TRPS1: variants seen among roughly 807,000 people sequenced by gnomAD.
The protein encoded by TRPS1 is transcriptional repressor GATA binding 1, also known as zinc finger transcription factor Trps1.
Under a neutral mutation model 101.2 loss-of-function variants are expected in TRPS1, and 6 were observed. That is an observed-to-expected ratio of 0.06 (90% confidence interval 0.03 to 0.12). The LOEUF (loss-of-function observed/expected upper bound fraction) is 0.12. Ranked by LOEUF, TRPS1 falls within the 10% of genes least tolerant of loss-of-function variation. The pLI is 1.00. For synonymous variants in TRPS1, 578 were observed against 589.8 expected (o/e 0.98, Z 0.29); for missense variants, 1,363 against 1,567.0 (o/e 0.87, Z 2.20).
At chr8:115,464,383 T>C (rs186432377) in intron 5 of TRPS1, among the ~76,000 whole-genome samples, 2 of 152,218 alleles carry the variant, frequency 1.3e-5, no homozygotes, top group East Asian at 1.9e-4. Context: ...TAGAATTCAG[T>C]AGAGAAAATT....
intron 2 of TRPS1, 109 bp downstream of exon 2, chr8:115,623,492 C>T: frequency 2.3e-6 from 3 of 1,312,372 alleles, no homozygotes; most frequent in Non-Finnish European, 3.2e-6. Flanking sequence ...AAGACTATAG[C>T]CACCCTCAAG....
intron 5 of TRPS1, among the ~76,000 whole-genome samples, chr8:115,442,212 T>C (rs537672760): frequency 6.6e-6 from 1 of 152,292 alleles, no homozygotes; most frequent in East Asian, 1.9e-4. Context: ...ACTTTGAATG[T>C]CATATATAGA....
chr8:115,462,801 T>A (rs2129980632), intron 5 of TRPS1, among the ~76,000 whole-genome samples: 1 of 152,272 alleles, frequency 6.6e-6, no homozygotes, highest in African/African-American at 2.4e-5. Flanking sequence ...GTCTCTAGTC[T>A]TTGTTCATTC....
At chr8:115,583,928 T>A (rs1489080216) in intron 5 of TRPS1, among the ~76,000 whole-genome samples, 1 of 152,126 alleles carries the variant, frequency 6.6e-6, no homozygotes, top group African/African-American at 2.4e-5. Context: ...AAACCACTAA[T>A]GTTAATGAAG....
At chr8:115,556,920 G>A (rs1472671434) in intron 5 of TRPS1, among the ~76,000 whole-genome samples, 1 of 152,136 alleles carries the variant, frequency 6.6e-6, no homozygotes, top group Non-Finnish European at 1.5e-5. Flanking sequence ...TTTACTGGTT[G>A]TATTAGTATG....
At chr8:115,475,274 A>G (rs916043466) in intron 5 of TRPS1, among the ~76,000 whole-genome samples, 1 of 51,004 alleles carries the variant, frequency 2.0e-5, no homozygotes, top group African/African-American at 7.3e-5. Flanking sequence ...AGTTATATAT[A>G]TATATATATA....
chr8:115,632,768 A>G (rs1253527938), intron 1 of TRPS1, among the ~76,000 whole-genome samples: 1 of 152,162 alleles, frequency 6.6e-6, no homozygotes, highest in East Asian at 1.9e-4. Context: ...TGTAAAGTTC[A>G]AAAACAAGTA....
intron 5 of TRPS1, among the ~76,000 whole-genome samples, chr8:115,463,241 C>T (rs1176890162): frequency 6.6e-6 from 1 of 152,102 alleles, no homozygotes; most frequent in Non-Finnish European, 1.5e-5. Flanking sequence ...AAACTTATTC[C>T]GTGACTACGA....
intron 5 of TRPS1, among the ~76,000 whole-genome samples, chr8:115,450,917 CAA>C (rs1477247693): frequency 6.6e-6 from 1 of 151,178 alleles, no homozygotes; most frequent in Non-Finnish European, 1.5e-5. Flanking sequence ...CACAGAACAA[CAA>C]AGAGAGCCAT....
At chr8:115,644,723 T>A (rs1818982357) in intron 1 of TRPS1, among the ~76,000 whole-genome samples, 2 of 152,310 alleles carry the variant, frequency 1.3e-5, no homozygotes, top group South Asian at 4.1e-4. Flanking sequence ...TCACTAAGCA[T>A]AATCATTTCT....
chr8:115,495,567 G>C (rs554224004), intron 5 of TRPS1, among the ~76,000 whole-genome samples: 1 of 151,296 alleles, frequency 6.6e-6, no homozygotes, highest in Admixed American at 6.6e-5. Flanking sequence ...TAAAGAATTT[G>C]ACATTGGAAT....
intron 1 of TRPS1, among the ~76,000 whole-genome samples, chr8:115,629,278 GCTAT>G (rs1281323375): frequency 1.3e-5 from 2 of 151,672 alleles, no homozygotes; most frequent in African/African-American, 2.4e-5. Context: ...TTCCAGAAGA[GCTAT>G]CTATGTTAAA....
chr8:115,538,573 C>A (rs1432065404), intron 5 of TRPS1, among the ~76,000 whole-genome samples: 1 of 142,708 alleles, frequency 7.0e-6, no homozygotes, highest in African/African-American at 2.6e-5. Context: ...GAGTGAGGGT[C>A]AAATTCTCAA....
At chr8:115,422,731 T>C (rs887638882) in intron 5 of TRPS1, among the ~76,000 whole-genome samples, 1 of 152,218 alleles carries the variant, frequency 6.6e-6, no homozygotes, top group African/African-American at 2.4e-5. Flanking sequence ...AGCTCTCTTT[T>C]ATCTTTAACA....
At chr8:115,533,243 T>A (rs1414426868) in intron 5 of TRPS1, among the ~76,000 whole-genome samples, 1 of 152,066 alleles carries the variant, frequency 6.6e-6, no homozygotes, top group East Asian at 1.9e-4. Flanking sequence ...ACCACACTCT[T>A]TGAGAAAACC....
intron 1 of TRPS1, among the ~76,000 whole-genome samples, chr8:115,652,378 A>G (rs1811580144): frequency 6.6e-6 from 1 of 152,210 alleles, no homozygotes; most frequent in Admixed American, 6.5e-5. Context: ...CTCTGAGGTT[A>G]TTTTTATGTC....
intron 1 of TRPS1, among the ~76,000 whole-genome samples, chr8:115,637,602 T>A (rs943447056): frequency 1.3e-5 from 2 of 152,198 alleles, no homozygotes; most frequent in African/African-American, 4.8e-5. Flanking sequence ...TATATTGGAG[T>A]TATGACTATC....
At chr8:115,506,520 T>C (rs1815448355) in intron 5 of TRPS1, among the ~76,000 whole-genome samples, 1 of 152,094 alleles carries the variant, frequency 6.6e-6, no homozygotes, top group South Asian at 2.1e-4. Flanking sequence ...ACTATTACAT[T>C]GCCTGGCTCA....
At chr8:115,441,459 A>G (rs974195227) in intron 5 of TRPS1, among the ~76,000 whole-genome samples, 2 of 152,202 alleles carry the variant, frequency 1.3e-5, no homozygotes, top group Non-Finnish European at 2.9e-5. Flanking sequence ...AAAGTTTTCC[A>G]TTTAAATTTA....
Sources: allele counts gnomAD v4.1 joint callset (sites outside exome capture counted in the v4.1 genomes callset), GRCh38; gene constraint gnomAD v4.1.1; transcripts MANE v1.5; gene names NCBI Gene and HGNC (gene_info 2026-07-23, HGNC 2026-07-21).